The following ZBTB20 variants were observed in gnomAD, a reference collection of about 807,000 sequenced individuals.
ZBTB20 encodes zinc finger and BTB domain containing 20, also known as zinc finger and BTB domain-containing protein 20.
Under a neutral mutation model 56.9 loss-of-function variants are expected in ZBTB20, and 9 were observed. That is an observed-to-expected ratio of 0.16 (90% CI 0.10 to 0.28). The LOEUF (loss-of-function observed/expected upper bound fraction) is 0.28. Ranked by LOEUF, ZBTB20 falls within the 10% of genes least tolerant of loss-of-function variation. ZBTB20 has a pLI of 1.00. For missense variants in ZBTB20, 655 were observed against 1,003.0 expected, an observed-to-expected ratio of 0.65 and a Z score of 4.69; for synonymous variants, 417 against 420.7, an observed-to-expected ratio of 0.99 and a Z score of 0.11.
chr3:115,037,819 A>G (rs2080989152), intron 2 of ZBTB20, among the ~76,000 whole-genome samples: 1 of 152,226 alleles, frequency 6.6e-6, no homozygotes, highest in African/African-American at 2.4e-5. Flanking sequence ...CACAAAAATC[A>G]GAAAACACAT....
chr3:114,856,127 AG>A (rs2075242655), intron 4 of ZBTB20, among the ~76,000 whole-genome samples: 1 of 152,156 alleles, frequency 6.6e-6, no homozygotes, highest in Non-Finnish European at 1.5e-5. Flanking sequence ...ATTTAAAATG[AG>A]GGGGTTGATT....
At chr3:114,380,727 C>T in intron 9 of ZBTB20, 50 bp downstream of exon 9, 2 of 1,471,414 alleles carry the variant, frequency 1.4e-6, no homozygotes, top group Non-Finnish European at 1.8e-6. Context: ...TCCCTCTTCC[C>T]CCCTTAGGAG....
intron 3 of ZBTB20, among the ~76,000 whole-genome samples, chr3:114,922,414 C>T (rs1014143349): frequency 5.9e-5 from 9 of 151,586 alleles, no homozygotes; most frequent in Non-Finnish European, 1.3e-4. Flanking sequence ...GTAGAAAAAC[C>T]CTGAAGACTG....
intron 4 of ZBTB20, 47 bp downstream of exon 4, chr3:114,900,257 T>C (rs2075056034): frequency 6.6e-6 from 1 of 152,116 alleles, no homozygotes; most frequent in African/African-American, 2.4e-5. Context: ...TATAACTTGT[T>C]AGTTAATATA....
chr3:114,688,903 A>C (rs563686168), intron 6 of ZBTB20, among the ~76,000 whole-genome samples: 20 of 152,304 alleles, frequency 1.3e-4, no homozygotes, highest in African/African-American at 4.6e-4. Context: ...CAGAACATAC[A>C]TAACCAGTTC....
Position 114,910,305 on chromosome 3 carries a change from G to GCACA in ZBTB20, c.-455-9967_-455-9964dup, listed in dbSNP as rs62885462. ...AACATACACACACACATGCACGCGT[G>GCACA]CACACACACACACACACACACACAC... On this transcript the variant is annotated intron_variant, in intron 3 of 11. Coordinates refer to ENST00000675478, the MANE Select transcript of ZBTB20 (RefSeq NM_001348800.3). Among the ~76,000 whole-genome samples the GCACA allele has an allele frequency of 1.9e-3, 284 of 146,354 alleles. 1 individual carries two copies. Among genetic ancestry groups the GCACA allele is most frequent in the African/African-American group, 3.9e-3 (158 of 40,228 alleles).
intron 2 of ZBTB20, among the ~76,000 whole-genome samples, chr3:114,990,803 C>T (rs1445550425): frequency 2.0e-5 from 3 of 151,966 alleles, no homozygotes; most frequent in East Asian, 1.9e-4. Flanking sequence ...GGTCTATTCA[C>T]GGATTTAACT....
At chr3:114,802,222 C>T (rs762197435) in intron 4 of ZBTB20, among the ~76,000 whole-genome samples, 3 of 151,830 alleles carry the variant, frequency 2.0e-5, no homozygotes, top group Non-Finnish European at 4.4e-5. Context: ...CACTAAATGT[C>T]ATATGTTTAC....
intron 5 of ZBTB20, among the ~76,000 whole-genome samples, chr3:114,760,329 G>C (rs2068344169): frequency 6.6e-6 from 1 of 152,108 alleles, no homozygotes; most frequent in Non-Finnish European, 1.5e-5. Flanking sequence ...CTCTAAAAGA[G>C]AAAACACACA....
At chr3:115,040,483 AG>A (rs2081096245) in intron 2 of ZBTB20, among the ~76,000 whole-genome samples, 2 of 152,106 alleles carry the variant, frequency 1.3e-5, no homozygotes, top group Admixed American at 1.3e-4. Flanking sequence ...CTAGATAGCA[AG>A]GGAATGGAAT....
chr3:115,022,998 C>T (rs1197745643), intron 2 of ZBTB20, among the ~76,000 whole-genome samples: 1 of 150,896 alleles, frequency 6.6e-6, no homozygotes, highest in Non-Finnish European at 1.5e-5. Context: ...ACAATGAGAC[C>T]AGCCCTGACT....
chr3:114,890,415 G>A (rs1484386980), intron 4 of ZBTB20, among the ~76,000 whole-genome samples: 2 of 152,160 alleles, frequency 1.3e-5, no homozygotes, highest in African/African-American at 4.8e-5. Flanking sequence ...AAACACATGG[G>A]AGATCTAACT....
chr3:114,359,173 G>A (rs958380538), intron 10 of ZBTB20, among the ~76,000 whole-genome samples: 1 of 152,004 alleles, frequency 6.6e-6, no homozygotes, highest in African/African-American at 2.4e-5. Flanking sequence ...CCTTACTTAT[G>A]AGGTGAGGGC....
chr3:114,664,632 C>G (rs2060944610), intron 6 of ZBTB20, among the ~76,000 whole-genome samples: 1 of 151,042 alleles, frequency 6.6e-6, no homozygotes, highest in African/African-American at 2.4e-5. Flanking sequence ...CACACACGTA[C>G]TAGCCTAGGC....
At chr3:114,856,917 G>A (rs2075279611) in intron 4 of ZBTB20, among the ~76,000 whole-genome samples, 1 of 152,112 alleles carries the variant, frequency 6.6e-6, no homozygotes, top group Non-Finnish European at 1.5e-5. Context: ...AGATTTAATA[G>A]AAGAGGAGGA....
At chr3:115,097,403 C>G (rs914284763) in intron 1 of ZBTB20, among the ~76,000 whole-genome samples, 7 of 151,846 alleles carry the variant, frequency 4.6e-5, no homozygotes, top group African/African-American at 1.7e-4. Context: ...AGGATAGTCT[C>G]GATCTCCCGA....
At chr3:114,865,682 A>G (rs2075736364) in intron 4 of ZBTB20, among the ~76,000 whole-genome samples, 1 of 152,158 alleles carries the variant, frequency 6.6e-6, no homozygotes, top group Admixed American at 6.5e-5. Flanking sequence ...ATGTTAGCAT[A>G]TTTTTAGTGC....
At chr3:114,964,572 G>A (rs2077576332) in intron 3 of ZBTB20, among the ~76,000 whole-genome samples, 1 of 152,194 alleles carries the variant, frequency 6.6e-6, no homozygotes, top group South Asian at 2.1e-4. Context: ...GTCATGTGCA[G>A]ACTATAGCAG....
At chr3:114,558,453 A>G (rs1421843008) in intron 6 of ZBTB20, among the ~76,000 whole-genome samples, 2 of 152,038 alleles carry the variant, frequency 1.3e-5, no homozygotes. Context: ...GCCCCTAAAT[A>G]GTCCTATAAA....
Sources: gnomAD v4.1 joint callset for allele counts (sites outside exome capture counted in the v4.1 genomes callset) on GRCh38, gnomAD v4.1.1 for gene constraint, MANE v1.5 for transcripts, NCBI Gene and HGNC (gene_info 2026-07-23, HGNC 2026-07-21) for gene names.